Variants in USP1 observed in about 807,000 individuals in gnomAD.
USP1 encodes the protein ubiquitin carboxyl-terminal hydrolase 1.
A neutral mutation model predicts 72.2 loss-of-function variants in USP1; 18 were observed. That is an observed-to-expected ratio of 0.25 (90% CI 0.17 to 0.37). The LOEUF is 0.37. Among genes scored for constraint, USP1 ranks in the 10% least tolerant of loss-of-function variants. The probability of loss-of-function intolerance (pLI) is 1.00; values close to 1 mark genes in which losing one functional copy is unlikely to be tolerated. For synonymous variants in USP1, 354 were observed against 303.7 expected, an observed-to-expected ratio of 1.17 and a Z score of -1.72; for missense variants, 759 against 884.9, an observed-to-expected ratio of 0.86 and a Z score of 1.81.
intron 1 of USP1, among the ~76,000 whole-genome samples, chr1:62,437,936 C>T (rs1454566016): frequency 2.0e-5 from 3 of 152,116 alleles, no homozygotes; most frequent in Non-Finnish European, 4.4e-5. Context: ...GAATTTAAAA[C>T]TATTGGGACT....
At chr1:62,446,119 A>T (rs936161629) in intron 6 of USP1, among the ~76,000 whole-genome samples, 5 of 152,228 alleles carry the variant, frequency 3.3e-5, no homozygotes, top group African/African-American at 9.7e-5. Flanking sequence ...GTAAAGACTA[A>T]GTACAGTCAT....
In USP1 at chr1:62,445,302, T is replaced by C; in HGVS notation, c.1122T>C (p.Asn374=). 1 of 1,613,518 alleles carries C rather than the reference T, an allele frequency of 6.2e-7. No homozygotes were observed. ...GAGTCAAAGGACAATCTAAAGAAAA[T>C]GAATGTGATCCTGAAGAGGACTTGG... ...NQGVKGQSKE[N]ECDPEEDLGK... is the part of the protein sequence containing the mutation. The change falls in exon 6 of 9, where the codon AAT becomes AAC. Residue 374 remains asparagine, a synonymous_variant. Coordinates refer to ENST00000339950, the MANE Select transcript of USP1 (RefSeq NM_003368.5).
At chr1:62,446,468 C>T (rs947669029) in intron 6 of USP1, among the ~76,000 whole-genome samples, 2 of 152,242 alleles carry the variant, frequency 1.3e-5, no homozygotes, top group African/African-American at 4.8e-5. Context: ...CATATAACTA[C>T]TGAATACTGT....
In USP1 at chr1:62,446,325, T is replaced by C. The variant is rs185063375; in HGVS notation, c.1249+896T>C. On this transcript the variant is annotated intron_variant, in intron 6 of 8. Coordinates refer to ENST00000339950, the MANE Select transcript of USP1 (RefSeq NM_003368.5). ...TTGGGCCACACCACACAGAATACAC[T>C]AATGATAGCTGATGAGCCAAAAAAA... Among the ~76,000 whole-genome samples the C allele has an allele frequency of 8.6e-5, 13 of 151,132 alleles. No homozygotes were observed. In the East Asian group the frequency reaches 2.3e-3, roughly 27 times the overall value.
At chr1:62,450,158 C>A in intron 8 of USP1, 88 bp from the exon 9 acceptor site, 1 of 1,489,974 alleles carries the variant, frequency 6.7e-7, no homozygotes, top group Admixed American at 2.3e-5. Context: ...AGGGTTCATT[C>A]AGATTTTTAC....
Position 62,441,535 on chromosome 1 carries a change from A to G in USP1, c.218A>G (p.Lys73Arg). The change falls in exon 3 of 9, where the codon AAG becomes AGG. Residue 73 changes from lysine to arginine, a missense_variant. Transcript: ENST00000339950. ...CAGTCTTCACCTATAAACTGTGAGA[A>G]GAGAGAAAACTTGTTACCATTTGTG... ...AAQSSPINCE[K>R]RENLLPFVGL... 6.2e-7 allele frequency: 1 copy of G among 1,613,736 alleles called. No individual in the cohort carries two copies. The highest frequency in any genetic ancestry group is 8.5e-7 in the Non-Finnish European group (1 of 1,179,840).
Position 62,451,028 on chromosome 1 carries a change from CAT to C in USP1, c.*48_*49del. The C allele has an allele frequency of 6.7e-7, 1 of 1,484,344 alleles. No individual in the cohort carries two copies. Among genetic ancestry groups the C allele is most frequent in the Non-Finnish European group, 8.9e-7 (1 of 1,119,740 alleles). 91.9% of individuals were successfully genotyped at this position (1,484,344 alleles called of 1,614,324 possible). A position where few individuals can be genotyped will look rare whatever the true frequency, so the allele number is the denominator to read the frequency against. Reference sequence around the variant, plus strand: ...TATATATTAAACACACCCATACAAACATTGGTAAAGTTGATTACATCAAAGAA... The same window carrying C: ...TATATATTAAACACACCCATACAAACTGGTAAAGTTGATTACATCAAAGAA... On this transcript the variant is annotated 3_prime_UTR_variant, in exon 9 of 9. Coordinates refer to ENST00000339950, the MANE Select transcript of USP1 (RefSeq NM_003368.5).
chr1:62,438,045 AG>A (rs1041629940), intron 1 of USP1, among the ~76,000 whole-genome samples: 1 of 151,832 alleles, frequency 6.6e-6, no homozygotes, highest in African/African-American at 2.4e-5. Context: ...ACAGCCCCCC[AG>A]TTACAAGGAA....
At position 62,450,645 on chromosome 1, in the gene USP1, C is replaced by A; in HGVS notation, c.2022C>A (p.Ser674Arg). 6.2e-7 allele frequency: 1 copy of A among 1,613,992 alleles called. No individual in the cohort carries two copies. The highest frequency in any genetic ancestry group is 8.5e-7 in the Non-Finnish European group (1 of 1,179,988). Residue 674 changes from serine (S) to arginine (R), a missense_variant, in exon 9 of 9, where the codon AGC (serine) becomes AGA (arginine). This residue lies in a region of USP1 where 159 missense variants were observed against 140.9 expected (regional missense o/e 1.13). Transcript: ENST00000339950. Reference sequence around the variant, plus strand: ...TTGGACTTCTTGGAGGACAAAAGAGCAAAGCAGATTATGAGCTATACAACA... The same window carrying A: ...TTGGACTTCTTGGAGGACAAAAGAGAAAAGCAGATTATGAGCTATACAACA... Reference protein sequence around the residue: ...EAIGLLGGQKSKADYELYNKA... With the variant: ...EAIGLLGGQKRKADYELYNKA...
At position 62,437,198 on chromosome 1, in the gene USP1, G is replaced by A. The variant is rs1303283178; in HGVS notation, c.-272G>A. ...CTCCCGGGATGTAGTTGGTGTTGGT[G>A]CAAGACGGGAGCGAGCGGCGGTCGG... On this transcript the variant is annotated 5_prime_UTR_variant, in exon 1 of 9. Coordinates refer to ENST00000339950, the MANE Select transcript of USP1 (RefSeq NM_003368.5). The A allele has an allele frequency of 2.5e-6, 1 of 398,780 alleles. No homozygotes were observed. Among genetic ancestry groups the A allele is most frequent in the Non-Finnish European group, 4.4e-6 (1 of 225,964 alleles). The allele number at this position is 398,780 out of a possible 1,614,324, so 24.7% of individuals were successfully genotyped here.
chr1:62,439,924 G>C lies in USP1; in HGVS notation c.57G>C (p.Lys19Asn), dbSNP rs1177433901. The change falls in exon 2 of 9, where the codon AAG becomes AAC. Residue 19 changes from lysine to asparagine, a missense_variant. Transcript: ENST00000339950. ...SNGLSRGSPS[K>N]KNRLSLKFFQ... is the part of the protein sequence containing the mutation. ...GACTTTCAAGAGGTAGCCCTTCAAA[G>C]AAAAACAGACTTTCCTTAAAGTTTT... 2 of 1,564,790 alleles carry C rather than the reference G, an allele frequency of 1.3e-6. No homozygotes were observed. The highest frequency in any genetic ancestry group is 1.7e-6 in the Non-Finnish European group (2 of 1,160,742).
At position 62,439,781 on chromosome 1, in the gene USP1, T is replaced by C. The variant is rs1336824743; in HGVS notation, c.-69-18T>C. On this transcript the variant is annotated intron_variant, in intron 1 of 8. Coordinates refer to ENST00000339950, the MANE Select transcript of USP1 (RefSeq NM_003368.5). ...ACTGATAACCAAAAACTAATGAAAC[T>C]TTCTCTGTGATTAACAGATATAATT... 8.3e-7 allele frequency: 1 copy of C among 1,199,848 alleles called. No homozygotes were observed. Among genetic ancestry groups the C allele is most frequent in the Admixed American group, 3.4e-5 (1 of 29,810 alleles). 74.3% of individuals were successfully genotyped at this position (1,199,848 alleles called of 1,614,324 possible).
chr1:62,447,487 T>C lies in USP1; in HGVS notation c.1396T>C (p.Ser466Pro), dbSNP rs1474150251. The change falls in exon 7 of 9, where the codon TCC becomes CCC. Residue 466 changes from serine to proline, a missense_variant. Ser to Pro is a moderately conservative substitution (Grantham distance 74, BLOSUM62 -1). This residue lies in a region of USP1 where 140 missense variants were observed against 222.8 expected (regional missense o/e 0.63). Coordinates refer to ENST00000339950, the MANE Select transcript of USP1 (RefSeq NM_003368.5). Reference sequence around the variant, plus strand: ...TGTGCCAGTACAAGAAGATGAGCTTTCCAAAGTAGAGGAGAGTTCTGAAAG... The same window carrying C: ...TGTGCCAGTACAAGAAGATGAGCTTCCCAAAGTAGAGGAGAGTTCTGAAAG... ...ISVPVQEDEL[S>P]KVEESSEISP... 6.2e-7 allele frequency: 1 copy of C among 1,613,896 alleles called. No homozygotes were observed. Among genetic ancestry groups the C allele is most frequent in the East Asian group, 2.2e-5 (1 of 44,840 alleles).
intron 7 of USP1, 144 bp downstream of exon 7, chr1:62,447,655 C>A: frequency 1.2e-6 from 1 of 839,736 alleles, no homozygotes; most frequent in Non-Finnish European, 1.8e-6. Context: ...GCTTATCTGG[C>A]TTCACTTATA....
chr1:62,447,594 T>C (rs1219290241), intron 7 of USP1, 83 bp downstream of exon 7: 26 of 1,457,988 alleles, frequency 1.8e-5, no homozygotes, highest in Non-Finnish European at 2.3e-5. Flanking sequence ...GTAGCTGGTG[T>C]AATTAGGGAG....
At chr1:62,441,420 CAGAA>C in intron 2 of USP1, 64 bp from the exon 3 acceptor site, 1 of 1,448,344 alleles carries the variant, frequency 6.9e-7, no homozygotes, top group East Asian at 2.5e-5. Flanking sequence ...ACTAAATCTA[CAGAA>C]GTAATATTTT....
chr1:62,444,191 G>A (rs140411660), intron 5 of USP1, among the ~76,000 whole-genome samples: 57 of 150,670 alleles, frequency 3.8e-4, no homozygotes, highest in African/African-American at 1.3e-3. Flanking sequence ...CCCGGGAGGC[G>A]GCGGTTGCAG....
intron 2 of USP1, among the ~76,000 whole-genome samples, chr1:62,440,631 G>T (rs1013409955): frequency 1.3e-5 from 2 of 152,182 alleles, no homozygotes; most frequent in Non-Finnish European, 2.9e-5. Context: ...TCTGCTGGGT[G>T]ACTAAGGTGG....
In USP1 at chr1:62,448,486, A is replaced by C; in HGVS notation, c.1442A>C (p.Glu481Ala). Residue 481 changes from glutamate to alanine, a missense_variant, in exon 8 of 9, where the codon GAA (glutamate) becomes GCA (alanine). By Grantham distance (107) the Glu-to-Ala change is moderately radical. Around this residue, in one of 9 missense-constraint regions of USP1, gnomAD observed 140 missense variants for 222.8 expected, o/e 0.63. Transcript: ENST00000339950. ...SSEISPEPKTEMKTLRWAISQ... is the reference protein window; with the variant it reads ...SSEISPEPKTAMKTLRWAISQ... ...TTAGTTTCTCCAGAGCCAAAAACAGAAATGAAGACCCTGAGATGGGCAATT... is the reference window on the plus strand; with the variant it reads ...TTAGTTTCTCCAGAGCCAAAAACAGCAATGAAGACCCTGAGATGGGCAATT... 1 of 1,613,964 alleles carries C rather than the reference A, an allele frequency of 6.2e-7. No individual in the cohort carries two copies. Among genetic ancestry groups the C allele is most frequent in the Non-Finnish European group, 8.5e-7 (1 of 1,179,922 alleles).
Sources: allele counts gnomAD v4.1 joint callset (sites outside exome capture counted in the v4.1 genomes callset), GRCh38; gene constraint gnomAD v4.1.1; regional missense constraint gnomAD v4.1.1; transcripts MANE v1.5; gene names NCBI Gene and HGNC (gene_info 2026-07-23, HGNC 2026-07-21).